LTBP1: variants seen among roughly 807,000 people sequenced by gnomAD.
The protein encoded by LTBP1 is latent-transforming growth factor beta-binding protein 1.
A neutral mutation model predicts 207.6 loss-of-function variants in LTBP1; 129 were observed. The ratio of observed to expected loss-of-function variants is 0.62; its 90% CI spans 0.54 to 0.72. The LOEUF (loss-of-function observed/expected upper bound fraction) is 0.72. LTBP1 is among the 30% of genes least tolerant of loss of function. The pLI is 0.00. For missense variants in LTBP1, 2,281 were observed against 2,217.2 expected (o/e 1.03, Z -0.58); for synonymous variants, 963 against 833.7 (o/e 1.16, Z -2.67).
At chr2:33,294,079 C>T (rs183179619) in intron 20 of LTBP1, among the ~76,000 whole-genome samples, 1 of 134,946 alleles carries the variant, frequency 7.4e-6, no homozygotes, top group Admixed American at 8.9e-5. Context: ...GATCTTGGCT[C>T]ATTGCAACCT....
Position 32,947,693 on chromosome 2 carries a change from C to A in LTBP1, c.369C>A (p.Gly123=). 1 of 1,510,188 alleles carries A rather than the reference C, an allele frequency of 6.6e-7. No homozygotes were observed. Among genetic ancestry groups the A allele is most frequent in the East Asian group, 2.9e-5 (1 of 35,054 alleles). The allele number at this position is 1,510,188 out of a possible 1,614,324, so 93.5% of individuals were successfully genotyped here. ...GCGGGCAGCTCCACCCCAATCCCGGCGGCCACCCGGCAGCCGCCCCGTTCA... is the reference window on the plus strand; with the variant it reads ...GCGGGCAGCTCCACCCCAATCCCGGAGGCCACCCGGCAGCCGCCCCGTTCA... ...VPGGQLHPNP[G]GHPAAAPFTK... is the part of the protein sequence containing the mutation. The change falls in exon 1 of 34, where the codon GGC becomes GGA. Residue 123 remains glycine, a synonymous_variant. Transcript: ENST00000404816.
At chr2:32,998,091 T>C (rs1685553007) in intron 2 of LTBP1, among the ~76,000 whole-genome samples, 1 of 152,218 alleles carries the variant, frequency 6.6e-6, no homozygotes, top group Non-Finnish European at 1.5e-5. Context: ...TGGACCATAC[T>C]AGTACCTTGA....
At chr2:32,984,388 C>T (rs1683220378) in intron 2 of LTBP1, among the ~76,000 whole-genome samples, 1 of 152,166 alleles carries the variant, frequency 6.6e-6, no homozygotes. Context: ...TTTAAAGGGC[C>T]ATCTGATCTT....
At chr2:33,112,788 G>C (rs2080492424) in intron 4 of LTBP1, among the ~76,000 whole-genome samples, 1 of 152,172 alleles carries the variant, frequency 6.6e-6, no homozygotes. Flanking sequence ...TACTGTCTCT[G>C]CATACTCCTG....
chr2:33,179,314 G>A (rs1182617833), intron 5 of LTBP1, among the ~76,000 whole-genome samples: 2 of 152,078 alleles, frequency 1.3e-5, no homozygotes, highest in East Asian at 3.8e-4. Flanking sequence ...CCCTCATCTA[G>A]AGTTTAAAAC....
At chr2:33,221,138 C>G (rs1355696514) in intron 8 of LTBP1, among the ~76,000 whole-genome samples, 1 of 152,134 alleles carries the variant, frequency 6.6e-6, no homozygotes, top group Non-Finnish European at 1.5e-5. Context: ...AGAAGAATTC[C>G]TTACTGCAGG....
chr2:33,369,327 C>A (rs916310980), intron 31 of LTBP1, among the ~76,000 whole-genome samples: 3 of 152,082 alleles, frequency 2.0e-5, no homozygotes, highest in Admixed American at 2.0e-4. Flanking sequence ...CTTTCCAATC[C>A]GTTACTTTTT....
At chr2:33,283,471 C>CT (rs202203912) in intron 19 of LTBP1, among the ~76,000 whole-genome samples, 4,964 of 110,460 alleles carry the variant, frequency 0.045, 114 homozygotes, top group Middle Eastern at 0.25. Flanking sequence ...GAGTCTCGCT[C>CT]TTTCGCCCAG....
chr2:33,352,518 A>G (rs2094795810), intron 26 of LTBP1, among the ~76,000 whole-genome samples: 1 of 152,078 alleles, frequency 6.6e-6, no homozygotes, highest in Admixed American at 6.6e-5. Flanking sequence ...CAAGCAGTCC[A>G]TCATAATATC....
chr2:33,118,194 AAAAAAAAAAC>A (rs1476329602), intron 4 of LTBP1, among the ~76,000 whole-genome samples: 3 of 150,570 alleles, frequency 2.0e-5, no homozygotes, highest in Admixed American at 6.6e-5. Flanking sequence ...TGTGTGCAAA[AAAAAAAAAAC>A]AAAAAAAAAA....
intron 31 of LTBP1, among the ~76,000 whole-genome samples, chr2:33,369,964 C>T (rs1215889001): frequency 6.6e-6 from 1 of 152,226 alleles, no homozygotes; most frequent in Non-Finnish European, 1.5e-5. Flanking sequence ...AGCCCCAGGG[C>T]ATCAGGGTTA....
chr2:33,327,383 G>A (rs990917933), intron 24 of LTBP1, among the ~76,000 whole-genome samples: 2 of 151,932 alleles, frequency 1.3e-5, no homozygotes, highest in East Asian at 1.9e-4. Context: ...CTAAGAAAAC[G>A]ATTTTTTTTA....
intron 25 of LTBP1, among the ~76,000 whole-genome samples, chr2:33,344,803 T>C (rs542065894): frequency 2.4e-4 from 37 of 152,228 alleles, no homozygotes; most frequent in Non-Finnish European, 4.6e-4. Context: ...TGGCTTATTA[T>C]AGGTGCTCAG....
Position 33,364,282 on chromosome 2 carries a change from A to G in LTBP1, c.4466A>G (p.Tyr1489Cys), listed in dbSNP as rs753308816. 6.2e-7 allele frequency: 1 copy of G among 1,614,068 alleles called. No individual in the cohort carries two copies. Among genetic ancestry groups the G allele is most frequent in the Admixed American group, 1.7e-5 (1 of 60,024 alleles). ...DGQCVNTEGS[Y>C]NCFCTHPMVL... ...CAGTGTGTTAATACAGAGGGCTCTT[A>G]CAACTGCTTCTGTACTCACCCCATG... The change falls in exon 30 of 34, where the codon TAC becomes TGC. Residue 1489 changes from tyrosine (Y) to cysteine (C), a missense_variant. Physicochemically the swap from Tyr to Cys is radical, Grantham distance 194. Transcript: ENST00000404816.
intron 23 of LTBP1, among the ~76,000 whole-genome samples, chr2:33,312,838 G>A (rs2094207259): frequency 6.6e-6 from 1 of 152,166 alleles, no homozygotes; most frequent in South Asian, 2.1e-4. Context: ...GGGCCACACT[G>A]AGGCATAGGA....
intron 31 of LTBP1, among the ~76,000 whole-genome samples, chr2:33,388,858 ATCCTTCC>A (rs1342633514): frequency 2.0e-5 from 3 of 152,198 alleles, no homozygotes; most frequent in Non-Finnish European, 4.4e-5. Flanking sequence ...AGATAAAGCC[ATCCTTCC>A]AAAAGGCCTG....
intron 18 of LTBP1, among the ~76,000 whole-genome samples, chr2:33,277,715 A>G (rs978481515): frequency 2.7e-5 from 4 of 150,284 alleles, no homozygotes; most frequent in African/African-American, 9.9e-5. Context: ...GCAGAGCAGT[A>G]TCCCCCAACC....
At chr2:33,247,605 CTTA>C (rs1458724657) in intron 10 of LTBP1, among the ~76,000 whole-genome samples, 5 of 152,328 alleles carry the variant, frequency 3.3e-5, no homozygotes, top group Middle Eastern at 3.4e-3. Flanking sequence ...GCCTAAAATA[CTTA>C]TTATCTGATG....
intron 3 of LTBP1, 131 bp from the exon 4 acceptor site, chr2:33,110,451 A>G: frequency 1.3e-6 from 1 of 771,172 alleles, no homozygotes. Context: ...CAGTATTTGA[A>G]GGAAAAAAAA....
Sources: allele counts gnomAD v4.1 joint callset (sites outside exome capture counted in the v4.1 genomes callset), GRCh38; gene constraint gnomAD v4.1.1; transcripts MANE v1.5; gene names NCBI Gene and HGNC (gene_info 2026-07-23, HGNC 2026-07-21).